RAB31: variants seen among roughly 807,000 people sequenced by gnomAD.
RAB31 encodes ras-related protein Rab-31.
A neutral mutation model predicts 25.6 loss-of-function variants in RAB31; 21 were observed. The ratio of observed to expected loss-of-function variants is 0.82; its 90% CI spans 0.58 to 1.18. RAB31 has a LOEUF of 1.18. Among genes scored for constraint, RAB31 ranks in the 50% most tolerant of loss-of-function variants. The pLI is 0.00. For synonymous variants in RAB31, 87 were observed against 84.0 expected (o/e 1.04, Z -0.20); for missense variants, 196 against 250.1 (o/e 0.78, Z 1.46).
chr18:9,754,941 G>T (rs2068253574), intron 1 of RAB31, among the ~76,000 whole-genome samples: 1 of 152,166 alleles, frequency 6.6e-6, no homozygotes, highest in South Asian at 2.1e-4. Flanking sequence ...CTTGTCACAG[G>T]ATTGCAAGCC....
chr18:9,842,752 C>T (rs1244466783), intron 5 of RAB31, among the ~76,000 whole-genome samples: 1 of 152,208 alleles, frequency 6.6e-6, no homozygotes. Context: ...CTGGTGGGTG[C>T]TTGTGCCATT....
chr18:9,796,714 TTGAG>T (rs1451766367), intron 3 of RAB31, among the ~76,000 whole-genome samples: 1 of 152,144 alleles, frequency 6.6e-6, no homozygotes, highest in Admixed American at 6.5e-5. Context: ...CACTTTTTTC[TTGAG>T]TAATTTGTAA....
At chr18:9,793,813 T>A (rs1316134745) in intron 3 of RAB31, among the ~76,000 whole-genome samples, 1 of 152,220 alleles carries the variant, frequency 6.6e-6, no homozygotes, top group African/African-American at 2.4e-5. Flanking sequence ...TGATCCAAAC[T>A]CAAATGTCAC....
chr18:9,741,376 CAAAAAAA>C (rs71169903), intron 1 of RAB31, among the ~76,000 whole-genome samples: 3 of 31,230 alleles, frequency 9.6e-5, no homozygotes, highest in Admixed American at 9.1e-4. Context: ...AACTCCGTCT[CAAAAAAA>C]AAAAAAAAAA....
intron 5 of RAB31, among the ~76,000 whole-genome samples, chr18:9,836,112 C>T (rs900090670): frequency 6.6e-6 from 1 of 151,982 alleles, no homozygotes; most frequent in Admixed American, 6.6e-5. Context: ...AGTTAACAGC[C>T]GTCTCCCGCT....
At chr18:9,858,440 G>A (rs372135949) in intron 6 of RAB31, among the ~76,000 whole-genome samples, 5 of 152,116 alleles carry the variant, frequency 3.3e-5, no homozygotes, top group South Asian at 2.1e-4. Flanking sequence ...CAATTCGGTG[G>A]TGTTGGTATA....
At chr18:9,844,543 G>A (rs2068750487) in intron 5 of RAB31, among the ~76,000 whole-genome samples, 1 of 152,152 alleles carries the variant, frequency 6.6e-6, no homozygotes, top group Non-Finnish European at 1.5e-5. Context: ...GCAGTGTTGT[G>A]GATTAGAGTG....
intron 1 of RAB31, among the ~76,000 whole-genome samples, chr18:9,709,649 G>A (rs2068006288): frequency 6.6e-6 from 1 of 152,162 alleles, no homozygotes; most frequent in Non-Finnish European, 1.5e-5. Context: ...TAACTCGATT[G>A]TCCGGTTGGC....
intron 2 of RAB31, among the ~76,000 whole-genome samples, chr18:9,776,010 GA>G (rs1191667003): frequency 1.9e-4 from 29 of 152,224 alleles, no homozygotes; most frequent in African/African-American, 6.7e-4. Flanking sequence ...GGCTGGTCTT[GA>G]ACTTCTGACT....
Position 9,861,890 on chromosome 18 carries a change from A to G in RAB31, c.*2565A>G, listed in dbSNP as rs636031. The G allele has an allele frequency of 0.13, 19,364 of 152,622 alleles. 1,308 individuals are homozygous for G. Among genetic ancestry groups the G allele is most frequent in the South Asian group, 0.19 (899 of 4,822 alleles). 9.5% of individuals were successfully genotyped at this position (152,622 alleles called of 1,614,324 possible). A position where few individuals can be genotyped will look rare whatever the true frequency, so the allele number is the denominator to read the frequency against. ...AATATAAAGTAGGCATGGCTTCCCA[A>G]TGGAAATCTCTGAGAATGACAGTGG... On this transcript the variant is annotated 3_prime_UTR_variant, in exon 7 of 7. Coordinates refer to ENST00000578921, the MANE Select transcript of RAB31 (RefSeq NM_006868.4).
chr18:9,711,047 C>T (rs1252163304), intron 1 of RAB31, among the ~76,000 whole-genome samples: 4 of 152,044 alleles, frequency 2.6e-5, no homozygotes, highest in African/African-American at 7.3e-5. Context: ...TTGGCTGGCT[C>T]TTTCCTGGGT....
chr18:9,833,591 G>A (rs2068689986), intron 5 of RAB31, among the ~76,000 whole-genome samples: 1 of 152,174 alleles, frequency 6.6e-6, no homozygotes, highest in Non-Finnish European at 1.5e-5. Context: ...GATGGCATTA[G>A]GATTGTAAGG....
chr18:9,745,074 A>T (rs745353468), intron 1 of RAB31, among the ~76,000 whole-genome samples: 1 of 152,178 alleles, frequency 6.6e-6, no homozygotes, highest in Non-Finnish European at 1.5e-5. Flanking sequence ...ATTACTAAGA[A>T]AAAAAGAGAA....
At chr18:9,847,371 C>G (rs897626955) in intron 6 of RAB31, among the ~76,000 whole-genome samples, 1 of 152,216 alleles carries the variant, frequency 6.6e-6, no homozygotes, top group Non-Finnish European at 1.5e-5. Context: ...TCCTCCTTAG[C>G]TCCCTGGCCT....
chr18:9,736,198 T>C (rs1314059883), intron 1 of RAB31, among the ~76,000 whole-genome samples: 1 of 152,186 alleles, frequency 6.6e-6, no homozygotes, highest in African/African-American at 2.4e-5. Context: ...GGTATTGAAC[T>C]ACTTGCCTCA....
intron 6 of RAB31, among the ~76,000 whole-genome samples, chr18:9,857,693 TAGATAGATAGATA>T (rs1568198171): frequency 4.4e-4 from 59 of 135,044 alleles, no homozygotes; most frequent in African/African-American, 1.7e-3. Context: ...AGATGATAGA[TAGATAGATAGATA>T]GATAGATAGA....
intron 1 of RAB31, among the ~76,000 whole-genome samples, chr18:9,759,970 C>G (rs182715959): frequency 1.1e-4 from 17 of 152,094 alleles, no homozygotes; most frequent in Admixed American, 9.8e-4. Flanking sequence ...AGCACGTTCT[C>G]GGGAAGTGTG....
chr18:9,766,439 G>A lies in RAB31; in HGVS notation c.40-8839G>A, dbSNP rs35080696. Among the ~76,000 whole-genome samples, 3,351 of 152,304 alleles carry A rather than the reference G, an allele frequency of 0.022. 48 individuals carry two copies. The highest frequency in any genetic ancestry group is 0.08 in the South Asian group (385 of 4,828). On this transcript the variant is annotated intron_variant, in intron 1 of 6. Transcript: ENST00000578921. This position sits in a 1 kb window ranked among gnomAD's most constrained non-coding sequence, Gnocchi z 4.3. ...CCTGGCAGGCGGGGTGGGCTGAGGC[G>A]GGCGGGTGGGGTGTGTATGCTGGTG...
rs369570661 is a variant in RAB31 at position 9,792,134 on chromosome 18, T to G, written c.120-20T>G. ...AAGAAACAATGCAGTAATGTGGAGATGCTGACTCTCTTTTTTCAGGGCATC... is the reference window on the plus strand; with the variant it reads ...AAGAAACAATGCAGTAATGTGGAGAGGCTGACTCTCTTTTTTCAGGGCATC... On this transcript the variant is annotated intron_variant, in intron 2 of 6. Coordinates refer to ENST00000578921, the MANE Select transcript of RAB31 (RefSeq NM_006868.4). 3.7e-5 allele frequency: 59 copies of G among 1,600,346 alleles called. No individual in the cohort carries two copies. Among genetic ancestry groups the G allele is most frequent in the Non-Finnish European group, 4.9e-5 (57 of 1,172,706 alleles).
Sources: gnomAD v4.1 joint callset for allele counts (sites outside exome capture counted in the v4.1 genomes callset) on GRCh38, gnomAD v4.1.1 for gene constraint, Gnocchi (gnomAD v3.1) non-coding constraint, MANE v1.5 for transcripts, NCBI Gene and HGNC (gene_info 2026-07-23, HGNC 2026-07-21) for gene names.